The following USP45 variants were observed in gnomAD, a reference collection of about 807,000 sequenced individuals.
The protein encoded by USP45 is ubiquitin carboxyl-terminal hydrolase 45.
A neutral mutation model predicts 95.8 loss-of-function variants in USP45; 89 were observed. The observed-to-expected ratio is 0.93, with a 90% CI of 0.78 to 1.11. USP45 has a LOEUF of 1.11. USP45 is among the 50% of genes least tolerant of loss of function. The pLI, the probability that USP45 is intolerant of heterozygous loss-of-function variation, is 0.00. For missense variants in USP45, 898 were observed against 942.5 expected, an observed-to-expected ratio of 0.95 and a Z score of 0.62; for synonymous variants, 281 against 316.2, an observed-to-expected ratio of 0.89 and a Z score of 1.18.
intron 9 of USP45, among the ~76,000 whole-genome samples, chr6:99,469,369 T>A (rs1342757107): frequency 6.6e-6 from 1 of 150,830 alleles, no homozygotes; most frequent in African/African-American, 2.4e-5. Flanking sequence ...ATGCCCCTAA[T>A]TAGTGGATGA....
chr6:99,463,800 C>CAAAAAAA (rs398002416), intron 13 of USP45, among the ~76,000 whole-genome samples: 3 of 84,462 alleles, frequency 3.6e-5, no homozygotes, highest in Non-Finnish European at 4.8e-5. Context: ...GACTCCATCT[C>CAAAAAAA]AAAAAAAAAA....
chr6:99,448,031 C>T (rs6904927), intron 13 of USP45, among the ~76,000 whole-genome samples: 79,293 of 151,954 alleles, frequency 0.52, 21,296 homozygotes, highest in East Asian at 0.9. Flanking sequence ...CACACCAAAA[C>T]CCCATCTGTC....
Position 99,468,590 on chromosome 6 carries a change from A to G in USP45, c.962T>C (p.Phe321Ser), listed in dbSNP as rs1788553844. 1 of 1,608,768 alleles carries G rather than the reference A, an allele frequency of 6.2e-7. No homozygotes were observed. The highest frequency in any genetic ancestry group is 8.5e-7 in the Non-Finnish European group (1 of 1,176,854). ...AGCAGTTTTAGTAGTTGGGTTGTTAAATGCTTTTAGAATGCTAGCTTGTAT... is the reference window on the plus strand; with the variant it reads ...AGCAGTTTTAGTAGTTGGGTTGTTAGATGCTTTTAGAATGCTAGCTTGTAT... The part of the protein sequence containing the change: ...KRIQASILKA[F>S]NNPTTKTADD... The change falls in exon 10 of 18, where the codon TTT (phenylalanine) becomes TCT (serine). Residue 321 changes from phenylalanine to serine, a missense_variant. Transcript: ENST00000500704.
At chr6:99,475,127 G>A (rs899952824) in intron 9 of USP45, among the ~76,000 whole-genome samples, 1 of 152,142 alleles carries the variant, frequency 6.6e-6, no homozygotes, top group Non-Finnish European at 1.5e-5. Context: ...TGAATAGCCA[G>A]TATAGTTTTT....
chr6:99,498,757 AG>A (rs1377858521), intron 5 of USP45, among the ~76,000 whole-genome samples: 1 of 152,214 alleles, frequency 6.6e-6, no homozygotes, highest in Non-Finnish European at 1.5e-5. Context: ...CGTTCTCCAG[AG>A]GCCATATGGC....
intron 15 of USP45, among the ~76,000 whole-genome samples, chr6:99,441,494 T>G (rs1280943885): frequency 2.0e-5 from 3 of 151,668 alleles, no homozygotes; most frequent in African/African-American, 7.3e-5. Context: ...ATCGCGCCAT[T>G]GCACTCCAGC....
chr6:99,439,658 T>G lies in USP45; in HGVS notation c.2160+111A>C, dbSNP rs1257637216. The stretch of plus-strand genomic sequence containing the variant: ...TGACTTAATCACTGGCTATTAAAAT[T>G]CCCTTTCAGAAGAGAAGTTATTTTT... On this transcript the variant is annotated intron_variant, in intron 16 of 17. Transcript: ENST00000500704. The G allele has an allele frequency of 4.4e-6, 3 of 687,248 alleles. No homozygotes were observed. The Admixed American group carries it at 1.2e-4, about 27-fold the overall frequency. 42.6% of individuals were successfully genotyped at this position (687,248 alleles called of 1,614,324 possible).
At chr6:99,480,901 C>A (rs1792245067) in intron 8 of USP45, among the ~76,000 whole-genome samples, 1 of 152,068 alleles carries the variant, frequency 6.6e-6, no homozygotes, top group Admixed American at 6.6e-5. Context: ...ATGTATACTT[C>A]TTTTAAAAGT....
intron 10 of USP45, 43 bp from the exon 11 acceptor site, chr6:99,466,806 T>A (rs1481184964): frequency 1.4e-6 from 2 of 1,473,278 alleles, no homozygotes; most frequent in Admixed American, 3.4e-5. Context: ...ATGTCAACCA[T>A]CCATCTAGCA....
At chr6:99,460,857 G>A (rs1365995725) in intron 13 of USP45, 1 of 975,700 alleles carries the variant, frequency 1.0e-6, no homozygotes, top group Non-Finnish European at 1.2e-6. Context: ...GAAATAAGAT[G>A]GAACACAAAA....
At chr6:99,478,237 T>G (rs1365786591) in intron 8 of USP45, among the ~76,000 whole-genome samples, 1 of 150,286 alleles carries the variant, frequency 6.7e-6, no homozygotes, top group African/African-American at 2.4e-5. Context: ...TTTTTTTTTT[T>G]TTTTTTTAAC....
chr6:99,503,081 A>T (rs1386220377), intron 5 of USP45, among the ~76,000 whole-genome samples: 2 of 152,194 alleles, frequency 1.3e-5, no homozygotes, highest in African/African-American at 4.8e-5. Flanking sequence ...ACTATTGCTA[A>T]ATCTTTAGAA....
chr6:99,469,391 C>T (rs1231885211), intron 9 of USP45, among the ~76,000 whole-genome samples: 10 of 149,678 alleles, frequency 6.7e-5, no homozygotes, highest in East Asian at 1.9e-4. Flanking sequence ...TTTTGTCTTC[C>T]TAATTCAGAT....
chr6:99,482,972 C>G (rs1792800387), intron 7 of USP45, 89 bp from the exon 8 acceptor site: 2 of 1,146,858 alleles, frequency 1.7e-6, no homozygotes, highest in African/African-American at 3.2e-5. Context: ...GCTTAAATAA[C>G]ACCAACTAAA....
chr6:99,494,384 T>C (rs2128750832), intron 5 of USP45, among the ~76,000 whole-genome samples: 1 of 152,298 alleles, frequency 6.6e-6, no homozygotes, highest in East Asian at 1.9e-4. Context: ...ATCTGAGTCC[T>C]CAAAAAGTAG....
At position 99,499,196 on chromosome 6, in the gene USP45, A is replaced by G. The variant is rs190325004; in HGVS notation, c.478+4569T>C. Reference sequence around the variant, plus strand: ...TAACTTCAAAATGTGTTTAACATACAGGCACAGGCTTTCTTCTCAATAACT... The same window carrying G: ...TAACTTCAAAATGTGTTTAACATACGGGCACAGGCTTTCTTCTCAATAACT... On this transcript the variant is annotated intron_variant, in intron 5 of 17. Coordinates refer to ENST00000500704, the MANE Select transcript of USP45 (RefSeq NM_001346022.3). Among the ~76,000 whole-genome samples the G allele has an allele frequency of 2.8e-3, 422 of 152,356 alleles. 3 individuals carry two copies. The highest frequency in any genetic ancestry group is 9.8e-3 in the African/African-American group (409 of 41,586).
chr6:99,468,156 T>G (rs1296346652), intron 10 of USP45: 1 of 456,300 alleles, frequency 2.2e-6, no homozygotes, highest in African/African-American at 2.0e-5. Flanking sequence ...ACTTAAACAT[T>G]TTGTCTAGTT....
intron 7 of USP45, among the ~76,000 whole-genome samples, chr6:99,483,872 T>C (rs1405115758): frequency 1.3e-5 from 2 of 150,428 alleles, no homozygotes; most frequent in African/African-American, 4.9e-5. Flanking sequence ...AAGAATGTTA[T>C]CTTCCAAGAT....
upstream of USP45, among the ~76,000 whole-genome samples, chr6:99,516,918 A>G (rs1801151469): frequency 6.6e-6 from 1 of 152,190 alleles, no homozygotes; most frequent in African/African-American, 2.4e-5. Flanking sequence ...TAGATTATGG[A>G]AATTTAGGTT....
Sources: gnomAD v4.1 joint callset for allele counts (sites outside exome capture counted in the v4.1 genomes callset) on GRCh38, gnomAD v4.1.1 for gene constraint, MANE v1.5 for transcripts, NCBI Gene and HGNC (gene_info 2026-07-23, HGNC 2026-07-21) for gene names.